HIP1: variants seen among roughly 807,000 people sequenced by gnomAD.
HIP1 encodes the protein huntingtin interacting protein 1, also known as huntingtin-interacting protein 1.
HIP1 carries 65 observed loss-of-function variants against 147.6 expected under a neutral mutation model. The ratio of observed to expected loss-of-function variants is 0.44; its 90% CI spans 0.36 to 0.54. HIP1 has a LOEUF of 0.54. HIP1 is among the 20% of genes least tolerant of loss of function. HIP1 has a pLI of 0.00. For synonymous variants in HIP1, 479 were observed against 504.0 expected (o/e 0.95, Z 0.67); for missense variants, 1,061 against 1,299.6 (o/e 0.82, Z 2.82).
At chr7:75,626,659 A>C (rs1355310581) in intron 1 of HIP1, 1 of 152,212 alleles carries the variant, frequency 6.6e-6, no homozygotes, top group South Asian at 2.1e-4. Flanking sequence ...CCCAGAACCC[A>C]TGGATGGCCT....
intron 1 of HIP1, among the ~76,000 whole-genome samples, chr7:75,711,294 A>G (rs1444667118): frequency 6.6e-6 from 1 of 152,242 alleles, no homozygotes; most frequent in African/African-American, 2.4e-5. Flanking sequence ...TTAGCAAAGT[A>G]TCACAATTAC....
intron 1 of HIP1, among the ~76,000 whole-genome samples, chr7:75,701,224 T>C (rs1325288384): frequency 6.6e-6 from 1 of 152,004 alleles, no homozygotes; most frequent in African/African-American, 2.4e-5. Context: ...TGAAACCCTG[T>C]CTCTACCAAA....
intron 1 of HIP1, among the ~76,000 whole-genome samples, chr7:75,612,835 A>T (rs1779166703): frequency 6.6e-6 from 1 of 151,748 alleles, no homozygotes; most frequent in Non-Finnish European, 1.5e-5. Context: ...TAATTTTTTT[A>T]AAAAGAGGCT....
At chr7:75,541,005 C>T (rs1365863045) in intron 29 of HIP1, among the ~76,000 whole-genome samples, 1 of 151,956 alleles carries the variant, frequency 6.6e-6, no homozygotes, top group South Asian at 2.1e-4. Context: ...TGGCTCACAC[C>T]TGTAATCCCA....
Position 75,651,460 on chromosome 7 carries a change from C to CAAAAAAA in HIP1, c.121-52220_121-52214dup, listed in dbSNP as rs1168846001. Among the ~76,000 whole-genome samples the CAAAAAAA allele has an allele frequency of 9.5e-4, 42 of 44,112 alleles. 1 individual carries two copies. Among genetic ancestry groups the CAAAAAAA allele is most frequent in the African/African-American group, 1.7e-3 (29 of 16,938 alleles). The allele number at this position is 44,112 out of a possible 152,430, so 28.9% of individuals were successfully genotyped here. Reference sequence around the variant, plus strand: ...GGTTACAGAGTGAGACTCCATATCTCAAAAAAAAAAAAAAAAAAAAAAAAA... The same window carrying CAAAAAAA: ...GGTTACAGAGTGAGACTCCATATCTCAAAAAAAAAAAAAAAAAAAAAAAAAAAAAAAA... On this transcript the variant is annotated intron_variant, in intron 1 of 30. Coordinates refer to ENST00000336926, the MANE Select transcript of HIP1 (RefSeq NM_005338.7).
chr7:75,650,724 C>T (rs1411366190), intron 1 of HIP1, among the ~76,000 whole-genome samples: 2 of 152,016 alleles, frequency 1.3e-5, no homozygotes, highest in Non-Finnish European at 2.9e-5. Flanking sequence ...GCCACCATAC[C>T]CGGCTCTGCC....
rs587601751 is a variant in HIP1, at chr7:75,549,062, A to G, written c.2296-61T>C. On this transcript the variant is annotated intron_variant, in intron 22 of 30. Coordinates refer to ENST00000336926, the MANE Select transcript of HIP1 (RefSeq NM_005338.7). ...GGCCTCCTGTCTCTTCTCCTCTGCC[A>G]TCTGTAACCCTTACAAGATGGCAAG... 327 of 1,200,036 alleles carry G rather than the reference A, an allele frequency of 2.7e-4. 2 individuals carry two copies. In the African/African-American group the frequency reaches 4.3e-3, roughly 16 times the overall value. 74.3% of individuals were successfully genotyped at this position (1,200,036 alleles called of 1,614,324 possible). A position where few individuals can be genotyped will look rare whatever the true frequency, so the allele number is the denominator to read the frequency against.
intron 1 of HIP1, among the ~76,000 whole-genome samples, chr7:75,669,639 C>T (rs974193481): frequency 2.6e-5 from 4 of 152,096 alleles, no homozygotes; most frequent in Non-Finnish European, 4.4e-5. Flanking sequence ...CCCCAACCCC[C>T]GGCAAGTGCT....
At chr7:75,702,768 A>G (rs1198019478) in intron 1 of HIP1, among the ~76,000 whole-genome samples, 1 of 152,124 alleles carries the variant, frequency 6.6e-6, no homozygotes, top group Non-Finnish European at 1.5e-5. Flanking sequence ...ATCCTGCCTC[A>G]CAAAAAAAAG....
chr7:75,676,267 A>T (rs1799882659), intron 1 of HIP1, among the ~76,000 whole-genome samples: 2 of 152,170 alleles, frequency 1.3e-5, no homozygotes, highest in Non-Finnish European at 2.9e-5. Flanking sequence ...GAACCAACAC[A>T]TCTACTCTTT....
intron 1 of HIP1, among the ~76,000 whole-genome samples, chr7:75,616,127 G>C (rs1249053940): frequency 7.7e-6 from 1 of 129,306 alleles, no homozygotes; most frequent in Admixed American, 8.0e-5. Flanking sequence ...GAAAAGAAAA[G>C]AAAACAAAAA....
chr7:75,605,737 T>C lies in HIP1; in HGVS notation c.121-6490A>G, dbSNP rs1266488788. ...TTTTAGTAGAGACAGGGTTTTGCCATGTTGGCCAGGCTGTTCTCAAACTCC... is the reference window on the plus strand; with the variant it reads ...TTTTAGTAGAGACAGGGTTTTGCCACGTTGGCCAGGCTGTTCTCAAACTCC... On this transcript the variant is annotated intron_variant, in intron 1 of 30. Transcript: ENST00000336926. Among the ~76,000 whole-genome samples the C allele has an allele frequency of 5.9e-5, 9 of 152,214 alleles. No individual in the cohort carries two copies. The East Asian group carries it at 1.3e-3, about 23-fold the overall frequency.
chr7:75,610,869 T>C (rs868960555), intron 1 of HIP1, among the ~76,000 whole-genome samples: 2 of 147,634 alleles, frequency 1.4e-5, no homozygotes, highest in South Asian at 2.1e-4. Flanking sequence ...TTTATATATA[T>C]TAAAATTTTA....
intron 1 of HIP1, chr7:75,639,016 A>C (rs1314796066): frequency 2.5e-6 from 2 of 785,706 alleles, no homozygotes; most frequent in Non-Finnish European, 3.0e-6. Flanking sequence ...GGGTGTGGGG[A>C]GGGGGCTCGG....
chr7:75,732,634 G>C (rs782068979), intron 1 of HIP1, among the ~76,000 whole-genome samples: 1 of 152,134 alleles, frequency 6.6e-6, no homozygotes, highest in Non-Finnish European at 1.5e-5. Context: ...TCCCGCCTCA[G>C]CCTCCCAAAA....
At chr7:75,595,162 T>C (rs1278781081) in intron 2 of HIP1, among the ~76,000 whole-genome samples, 4 of 152,078 alleles carry the variant, frequency 2.6e-5, no homozygotes, top group Non-Finnish European at 4.4e-5. Context: ...GTCTGGAAGC[T>C]AAAATCAGCT....
chr7:75,667,631 G>A (rs1389172202), intron 1 of HIP1, among the ~76,000 whole-genome samples: 3 of 152,124 alleles, frequency 2.0e-5, no homozygotes, highest in African/African-American at 4.8e-5. Context: ...GGCTACACGC[G>A]TGTGCCATCA....
At chr7:75,557,552 A>C in intron 16 of HIP1, 102 bp downstream of exon 16, 1 of 835,550 alleles carries the variant, frequency 1.2e-6, no homozygotes, top group Non-Finnish European at 2.1e-6. Flanking sequence ...TGTGATGCCA[A>C]CCGACCCACA....
chr7:75,733,689 G>T (rs1396806976), intron 1 of HIP1: 3 of 153,892 alleles, frequency 1.9e-5, no homozygotes, highest in African/African-American at 7.2e-5. Context: ...TGGTCTGAGG[G>T]TATAGACGCC....
Sources: allele counts gnomAD v4.1 joint callset (sites outside exome capture counted in the v4.1 genomes callset), GRCh38; gene constraint gnomAD v4.1.1; transcripts MANE v1.5; gene names NCBI Gene and HGNC (gene_info 2026-07-23, HGNC 2026-07-21).